FHL2: variants seen among roughly 807,000 people sequenced by gnomAD.
FHL2 encodes the protein four and a half LIM domains 2.
Under a neutral mutation model 32.7 loss-of-function variants are expected in FHL2, and 20 were observed. That is an observed-to-expected ratio of 0.61 (90% CI 0.43 to 0.89). FHL2 has a LOEUF of 0.89. FHL2 is among the 40% of genes least tolerant of loss of function. The probability of loss-of-function intolerance (pLI) is 0.00; values close to 1 mark genes in which losing one functional copy is unlikely to be tolerated. For synonymous variants in FHL2, 123 were observed against 128.1 expected (o/e 0.96, Z 0.27); for missense variants, 311 against 358.6 (o/e 0.87, Z 1.07).
intron 3 of FHL2, among the ~76,000 whole-genome samples, chr2:105,377,393 G>A (rs1681546433): frequency 6.6e-6 from 1 of 152,194 alleles, no homozygotes; most frequent in South Asian, 2.1e-4. Flanking sequence ...CACTTTGGGA[G>A]GCCGAGGCAG....
chr2:105,395,819 G>C (rs1046053577), intron 2 of FHL2, among the ~76,000 whole-genome samples: 1 of 152,146 alleles, frequency 6.6e-6, no homozygotes, highest in Non-Finnish European at 1.5e-5. Context: ...ACCATATGAC[G>C]GGAGGATCTT....
downstream of FHL2, chr2:105,358,971 CAG>C (rs1235789039): frequency 2.0e-5 from 3 of 152,218 alleles, no homozygotes; most frequent in Non-Finnish European, 2.9e-5. Context: ...GGTTTCCTAA[CAG>C]AGTTTTAGAT....
intron 1 of FHL2, among the ~76,000 whole-genome samples, chr2:105,413,213 A>G (rs1239291637): frequency 6.6e-6 from 1 of 152,098 alleles, no homozygotes; most frequent in African/African-American, 2.4e-5. Flanking sequence ...AAGAAATACA[A>G]TAGTCAAAAC....
chr2:105,367,737 T>A lies in FHL2; in HGVS notation c.334A>T (p.Thr112Ser). The change falls in exon 5 of 7, where the codon ACC becomes TCC. Residue 112 changes from threonine (T) to serine (S), a missense_variant and splice_region_variant. By Grantham distance (58) the Thr-to-Ser change is moderately conservative (BLOSUM62 1). Transcript: ENST00000530340. Reference protein sequence around the residue: ...QECKKTIMPGTRKMEYKGSSW... With the variant: ...QECKKTIMPGSRKMEYKGSSW... Reference sequence around the variant, plus strand: ...CTGCCCTTGTACTCCATCTTGCGGGTACCTGTCATCAGGGTCAAGAGGAAC... The same window carrying A: ...CTGCCCTTGTACTCCATCTTGCGGGAACCTGTCATCAGGGTCAAGAGGAAC... The A allele has an allele frequency of 6.2e-7, 1 of 1,613,418 alleles. No homozygotes were observed. Among genetic ancestry groups the A allele is most frequent in the Non-Finnish European group, 8.5e-7 (1 of 1,179,644 alleles).
At chr2:105,425,782 C>A (rs1161923602) in intron 1 of FHL2, among the ~76,000 whole-genome samples, 1 of 152,076 alleles carries the variant, frequency 6.6e-6, no homozygotes, top group African/African-American at 2.4e-5. Context: ...GACATAGATT[C>A]TTTTGCTCAC....
chr2:105,385,116 A>T (rs1682206220), intron 3 of FHL2, among the ~76,000 whole-genome samples: 1 of 152,198 alleles, frequency 6.6e-6, no homozygotes, highest in Admixed American at 6.5e-5. Flanking sequence ...TTTCTTTTAC[A>T]TTCAGCACAG....
At chr2:105,393,152 A>G (rs1233440403) in intron 2 of FHL2, among the ~76,000 whole-genome samples, 3 of 152,070 alleles carry the variant, frequency 2.0e-5, no homozygotes, top group Non-Finnish European at 4.4e-5. Flanking sequence ...CTATTTAAGC[A>G]TCCTTTTCAA....
chr2:105,398,470 C>T (rs1683293048), intron 1 of FHL2, among the ~76,000 whole-genome samples: 1 of 152,216 alleles, frequency 6.6e-6, no homozygotes. Context: ...GCTCGGGAGT[C>T]GGGCCTGGAA....
intron 2 of FHL2, among the ~76,000 whole-genome samples, chr2:105,389,017 C>T (rs1304535086): frequency 6.6e-6 from 1 of 152,170 alleles, no homozygotes; most frequent in Non-Finnish European, 1.5e-5. Flanking sequence ...TGTACTATTG[C>T]GTATACACGA....
chr2:105,421,959 A>C (rs1181083974), intron 1 of FHL2, among the ~76,000 whole-genome samples: 1 of 152,332 alleles, frequency 6.6e-6, no homozygotes. Flanking sequence ...TCACTGGTAC[A>C]TCTTTTTGTT....
intron 1 of FHL2, among the ~76,000 whole-genome samples, chr2:105,408,893 AG>A (rs1683712379): frequency 6.6e-6 from 1 of 152,206 alleles, no homozygotes; most frequent in South Asian, 2.1e-4. Context: ...CTCAGAAGAC[AG>A]GCAGTTTCAG....
chr2:105,411,546 T>G (rs1025710899), intron 1 of FHL2, among the ~76,000 whole-genome samples: 10 of 147,196 alleles, frequency 6.8e-5, no homozygotes, highest in Non-Finnish European at 1.3e-4. Flanking sequence ...GGGTTTTTTT[T>G]TTTTTTTTTT....
intron 1 of FHL2, among the ~76,000 whole-genome samples, chr2:105,405,480 C>T (rs532184804): frequency 3.3e-5 from 5 of 152,252 alleles, no homozygotes; most frequent in South Asian, 2.1e-4. Context: ...GAGCAATCTC[C>T]GCTCACTGTA....
At chr2:105,394,846 A>T (rs967950254) in intron 2 of FHL2, among the ~76,000 whole-genome samples, 4 of 152,256 alleles carry the variant, frequency 2.6e-5, no homozygotes, top group Non-Finnish European at 5.9e-5. Context: ...TAAAAAAAAT[A>T]AATAAACATC....
chr2:105,366,454 G>T (rs1680640746), intron 5 of FHL2, among the ~76,000 whole-genome samples: 1 of 152,204 alleles, frequency 6.6e-6, no homozygotes, highest in Admixed American at 6.5e-5. Flanking sequence ...CCTGTGATGA[G>T]TTCCACAGCT....
intron 4 of FHL2, among the ~76,000 whole-genome samples, chr2:105,368,954 C>A (rs1680831934): frequency 6.6e-6 from 1 of 152,194 alleles, no homozygotes; most frequent in Admixed American, 6.5e-5. Flanking sequence ...CACAGCCACG[C>A]CCATTAATTT....
intron 1 of FHL2, among the ~76,000 whole-genome samples, chr2:105,433,834 A>AT (rs1459504261): frequency 6.6e-6 from 1 of 152,100 alleles, no homozygotes; most frequent in South Asian, 2.1e-4. Context: ...TATGAAAATG[A>AT]TTTTTTTCTT....
rs1208356626 is a variant in FHL2, at chr2:105,373,666, A to C, written c.224T>G (p.Leu75Arg). ...CFHCSQCRNS[L>R]VDKPFAAKED... ...CTTGGCAGCAAAGGGCTTGTCCACC[A>C]GTGAGTTTCTGCACTGCGAGCAGTG... Residue 75 changes from leucine (L) to arginine (R), a missense_variant, in exon 4 of 7, where the codon CTG becomes CGG. Leu to Arg is a moderately radical substitution (Grantham distance 102, BLOSUM62 -2). Transcript: ENST00000530340. 3.7e-6 allele frequency: 6 copies of C among 1,614,110 alleles called. No homozygotes were observed. The highest frequency in any genetic ancestry group is 5.1e-6 in the Non-Finnish European group (6 of 1,180,048).
chr2:105,406,925 T>C (rs1683649657), intron 1 of FHL2, among the ~76,000 whole-genome samples: 1 of 152,224 alleles, frequency 6.6e-6, no homozygotes, highest in Admixed American at 6.5e-5. Flanking sequence ...CTAGGAAAGC[T>C]GCATGGATAG....
Sources: allele counts gnomAD v4.1 joint callset (sites outside exome capture counted in the v4.1 genomes callset), GRCh38; gene constraint gnomAD v4.1.1; transcripts MANE v1.5; gene names NCBI Gene and HGNC (gene_info 2026-07-23, HGNC 2026-07-21).